The following ROBO2 variants were observed in gnomAD, a reference collection of about 807,000 sequenced individuals.
ROBO2 encodes roundabout guidance receptor 2.
In ROBO2, 53 loss-of-function variants were observed where a neutral mutation model predicts 160.8. That is an observed-to-expected ratio of 0.33 (90% CI 0.26 to 0.41). The LOEUF (loss-of-function observed/expected upper bound fraction) is 0.41, where lower values mean the gene tolerates loss of function less well. Ranked by LOEUF, ROBO2 falls within the 10% of genes least tolerant of loss-of-function variation. The probability of loss-of-function intolerance (pLI) is 1.00; values close to 1 mark genes in which losing one functional copy is unlikely to be tolerated. For synonymous variants in ROBO2, 664 were observed against 611.7 expected, an observed-to-expected ratio of 1.09 and a Z score of -1.26; for missense variants, 1,577 against 1,722.4, an observed-to-expected ratio of 0.92 and a Z score of 1.49.
intron 2 of ROBO2, among the ~76,000 whole-genome samples, chr3:77,295,865 A>T (rs1307294008): frequency 6.7e-6 from 1 of 149,660 alleles, no homozygotes; most frequent in Non-Finnish European, 1.5e-5. Flanking sequence ...AGGCTAGATC[A>T]CCCCAGACAC....
chr3:77,086,230 G>T (rs1446637132), intron 1 of ROBO2, among the ~76,000 whole-genome samples: 1 of 152,038 alleles, frequency 6.6e-6, no homozygotes, highest in Non-Finnish European at 1.5e-5. Context: ...ACTAATAAAA[G>T]AGTTATACAT....
intron 2 of ROBO2, among the ~76,000 whole-genome samples, chr3:77,424,906 C>T (rs1455275019): frequency 2.6e-5 from 4 of 152,078 alleles, no homozygotes; most frequent in Non-Finnish European, 4.4e-5. Context: ...GGTTTTCTTT[C>T]TGTATTTGGT....
intron 2 of ROBO2, among the ~76,000 whole-genome samples, chr3:76,704,427 C>T (rs142323711): frequency 0.011 from 1,719 of 152,124 alleles, 38 homozygotes; most frequent in African/African-American, 0.04. Flanking sequence ...TGTGGGTTAT[C>T]GCTGGAGGAC....
chr3:76,978,598 A>C (rs999570774), intron 2 of ROBO2, among the ~76,000 whole-genome samples: 7 of 152,140 alleles, frequency 4.6e-5, no homozygotes, highest in Non-Finnish European at 7.4e-5. Flanking sequence ...TTGGACTTAA[A>C]AATGAAAGCA....
chr3:76,401,981 C>A (rs973587879), intron 2 of ROBO2, among the ~76,000 whole-genome samples: 9 of 151,384 alleles, frequency 5.9e-5, no homozygotes, highest in Non-Finnish European at 1.2e-4. Flanking sequence ...GAGAGGATAA[C>A]TTCTGAATTT....
intron 2 of ROBO2, among the ~76,000 whole-genome samples, chr3:77,204,041 T>A (rs11713960): frequency 6.6e-6 from 1 of 151,940 alleles, no homozygotes; most frequent in Admixed American, 6.6e-5. Context: ...TGAACACAAC[T>A]TACAGAGGAG....
intron 2 of ROBO2, among the ~76,000 whole-genome samples, chr3:77,110,315 C>A (rs1454502082): frequency 6.6e-6 from 1 of 152,074 alleles, no homozygotes; most frequent in African/African-American, 2.4e-5. Context: ...AGGATACTTT[C>A]TGGAGTTTTT....
In ROBO2 at chr3:75,989,953, GT is replaced by G. The variant is rs988882737; in HGVS notation, c.109+52359del. On this transcript the variant is annotated intron_variant, in intron 2 of 26. Transcript: ENST00000487694. Reference sequence around the variant, plus strand: ...GAATTTCCTTTTAATTGGCATGTGTGTTTTTTTTCCTTCAAATTAATAATTG... The same window carrying G: ...GAATTTCCTTTTAATTGGCATGTGTGTTTTTTTCCTTCAAATTAATAATTG... Among the ~76,000 whole-genome samples the G allele has an allele frequency of 4.6e-5, 7 of 151,958 alleles. No homozygotes were observed. The South Asian group carries it at 6.2e-4, about 14-fold the overall frequency.
At chr3:76,832,535 G>C (rs1005637368) in intron 2 of ROBO2, among the ~76,000 whole-genome samples, 6 of 152,162 alleles carry the variant, frequency 3.9e-5, no homozygotes, top group African/African-American at 1.4e-4. Context: ...GCTCCCTTGA[G>C]AAAGGGAACT....
At chr3:76,714,228 G>T (rs906983808) in intron 2 of ROBO2, among the ~76,000 whole-genome samples, 3 of 152,070 alleles carry the variant, frequency 2.0e-5, no homozygotes, top group African/African-American at 7.2e-5. Flanking sequence ...ATATAACCTT[G>T]AGCATAATAA....
chr3:77,187,507 TG>T (rs2081386596), intron 2 of ROBO2, among the ~76,000 whole-genome samples: 1 of 151,970 alleles, frequency 6.6e-6, no homozygotes, highest in Non-Finnish European at 1.5e-5. Context: ...TAGTTGTTTT[TG>T]GTCTCGTTTT....
At chr3:76,949,581 G>T (rs982301039) in intron 2 of ROBO2, among the ~76,000 whole-genome samples, 4 of 152,112 alleles carry the variant, frequency 2.6e-5, no homozygotes, top group African/African-American at 9.7e-5. Flanking sequence ...GTCCACGTCC[G>T]ACCGGCTTCT....
At chr3:77,136,966 T>C (rs1016104365) in intron 2 of ROBO2, among the ~76,000 whole-genome samples, 3 of 152,054 alleles carry the variant, frequency 2.0e-5, no homozygotes, top group African/African-American at 7.2e-5. Context: ...TTATTTTTTG[T>C]AGAGACAGGG....
chr3:76,742,458 C>T lies in ROBO2; in HGVS notation c.110-355556C>T, dbSNP rs139974663. ...TGCAAGCATACACACAACGGAAAAACAGCACTGAAAGGAAGATGTGAAGAA... is the reference window on the plus strand; with the variant it reads ...TGCAAGCATACACACAACGGAAAAATAGCACTGAAAGGAAGATGTGAAGAA... On this transcript the variant is annotated intron_variant, in intron 2 of 26. Coordinates refer to the ROBO2 transcript ENST00000487694. 7.2e-5 allele frequency among the ~76,000 whole-genome samples: 11 copies of T among 152,244 alleles called. No individual in the cohort carries two copies. In the Middle Eastern group the frequency reaches 0.014, roughly 188 times the overall value.
At chr3:77,385,474 G>A (rs2074003328) in intron 2 of ROBO2, among the ~76,000 whole-genome samples, 1 of 152,096 alleles carries the variant, frequency 6.6e-6, no homozygotes, top group African/African-American at 2.4e-5. Context: ...GTACCCAAGC[G>A]ACATTTTTGT....
At chr3:76,782,836 T>G (rs2062735539) in intron 2 of ROBO2, among the ~76,000 whole-genome samples, 1 of 150,572 alleles carries the variant, frequency 6.6e-6, no homozygotes, top group Admixed American at 6.6e-5. Context: ...ATATTTTGAT[T>G]GAAAAATTTC....
chr3:76,385,022 C>G (rs907816966), intron 2 of ROBO2, among the ~76,000 whole-genome samples: 2 of 152,146 alleles, frequency 1.3e-5, no homozygotes, highest in African/African-American at 2.4e-5. Flanking sequence ...CTTGCTTTGT[C>G]TCCCAGATAG....
intron 2 of ROBO2, among the ~76,000 whole-genome samples, chr3:76,495,257 C>A (rs2080085338): frequency 7.0e-6 from 1 of 143,168 alleles, no homozygotes. Context: ...AAGACACACA[C>A]AAAAAATGTA....
intron 2 of ROBO2, among the ~76,000 whole-genome samples, chr3:76,928,826 ACTCAT>A (rs2077149527): frequency 6.6e-6 from 1 of 152,150 alleles, no homozygotes; most frequent in African/African-American, 2.4e-5. Flanking sequence ...TCCGTGGTTA[ACTCAT>A]CTCATCTAAT....
Sources: allele counts gnomAD v4.1 joint callset (sites outside exome capture counted in the v4.1 genomes callset), GRCh38; gene constraint gnomAD v4.1.1; transcripts MANE v1.5; gene names NCBI Gene and HGNC (gene_info 2026-07-23, HGNC 2026-07-21).